COL10A1: variants seen among roughly 807,000 people sequenced by gnomAD.
COL10A1 encodes the protein collagen alpha-1(X) chain.
In COL10A1, 10 loss-of-function variants were observed where a neutral mutation model predicts 18.2. The observed-to-expected ratio is 0.55, with a 90% CI of 0.34 to 0.93. The LOEUF is 0.93. Ranked by LOEUF, COL10A1 falls within the 40% of genes least tolerant of loss-of-function variation. The pLI is 0.02. For synonymous variants in COL10A1, 330 were observed against 316.6 expected, an observed-to-expected ratio of 1.04 and a Z score of -0.45; for missense variants, 897 against 853.5, an observed-to-expected ratio of 1.05 and a Z score of -0.64.
the COL10A1 span, among the ~76,000 whole-genome samples, chr6:116,204,705 T>C: frequency 2.0e-5 from 3 of 151,960 alleles, no homozygotes; most frequent in Admixed American, 2.0e-4. Context: ...ATCACCAAAG[T>C]ACTGTTGTAT....
the COL10A1 span, among the ~76,000 whole-genome samples, chr6:116,199,170 T>G: frequency 2.6e-5 from 4 of 152,040 alleles, no homozygotes; most frequent in Non-Finnish European, 5.9e-5. Context: ...AAAATATCTT[T>G]CCATGAAAGA....
At chr6:116,142,285 T>TC (rs144062334) in intron 1 of COL10A1, among the ~76,000 whole-genome samples, 3 of 144,300 alleles carry the variant, frequency 2.1e-5, no homozygotes, top group African/African-American at 8.4e-5. Flanking sequence ...CTATTTTTGC[T>TC]TTTTTTTTCA....
At chr6:116,206,057 A>G in the COL10A1 span, among the ~76,000 whole-genome samples, 1 of 151,964 alleles carries the variant, frequency 6.6e-6, no homozygotes, top group African/African-American at 2.4e-5. Context: ...CAAAAAGTAG[A>G]ACCACCCTGC....
At chr6:116,149,479 C>T (rs1311325892) in intron 1 of COL10A1, among the ~76,000 whole-genome samples, 1 of 152,140 alleles carries the variant, frequency 6.6e-6, no homozygotes, top group Non-Finnish European at 1.5e-5. Context: ...TATTCAAAGG[C>T]TACTTTAGTA....
upstream of COL10A1, chr6:116,126,187 G>A (rs967623588): frequency 5.9e-5 from 9 of 152,092 alleles, no homozygotes; most frequent in African/African-American, 2.2e-4. Context: ...ACTACATGAG[G>A]TTACCCTGAG....
chr6:116,128,593 C>T (rs1189107493), upstream of COL10A1, among the ~76,000 whole-genome samples: 1 of 152,134 alleles, frequency 6.6e-6, no homozygotes, highest in East Asian at 1.9e-4. Flanking sequence ...AATTAATTCA[C>T]CTTATGTTTC....
intron 2 of COL10A1, among the ~76,000 whole-genome samples, chr6:116,122,198 T>C (rs1779152383): frequency 6.6e-6 from 1 of 152,190 alleles, no homozygotes; most frequent in East Asian, 1.9e-4. Context: ...CCCATGACAG[T>C]GATTCATGAA....
At chr6:116,199,998 G>GCC in the COL10A1 span, among the ~76,000 whole-genome samples, 1 of 113,372 alleles carries the variant, frequency 8.8e-6, no homozygotes, top group African/African-American at 5.7e-5. Context: ...AGTATGGAAA[G>GCC]TGGGGGGGGA....
chr6:116,150,850 T>A (rs932035189), intron 1 of COL10A1, among the ~76,000 whole-genome samples: 10 of 152,220 alleles, frequency 6.6e-5, no homozygotes, highest in African/African-American at 2.4e-4. Flanking sequence ...TTTGAGAATG[T>A]CACATCAAAT....
rs1245643162 is a variant in COL10A1 at position 116,121,228 on chromosome 6, A to T, written c.888T>A (p.Pro296=). The change falls in exon 3 of 3, where the codon CCT becomes CCA. Residue 296 remains proline (P), a synonymous_variant. Coordinates refer to ENST00000651968, the MANE Select transcript of COL10A1 (RefSeq NM_000493.4). ...APGIAGPPGP[P]GFGKPGLPGL... is the part of the protein sequence containing the mutation. Reference sequence around the variant, plus strand: ...CTGGCAAGCCTGGTTTCCCAAAGCCAGGAGGCCCTGGGGGCCCAGCTATTC... The same window carrying T: ...CTGGCAAGCCTGGTTTCCCAAAGCCTGGAGGCCCTGGGGGCCCAGCTATTC... 4 of 1,613,530 alleles carry T rather than the reference A, an allele frequency of 2.5e-6. No homozygotes were observed. The highest frequency in any genetic ancestry group is 3.4e-6 in the Non-Finnish European group (4 of 1,179,784).
chr6:116,170,755 T>C, the COL10A1 span, among the ~76,000 whole-genome samples: 8 of 152,194 alleles, frequency 5.3e-5, no homozygotes, highest in African/African-American at 1.2e-4. Flanking sequence ...TACTAGGAAA[T>C]ACCTCTGAAA....
chr6:116,155,880 G>C (rs1030698991), intron 1 of COL10A1, among the ~76,000 whole-genome samples: 3 of 151,850 alleles, frequency 2.0e-5, no homozygotes, highest in African/African-American at 4.8e-5. Flanking sequence ...TATATAAATG[G>C]AAGTGGAGGT....
chr6:116,175,191 G>A, the COL10A1 span, among the ~76,000 whole-genome samples: 1 of 152,070 alleles, frequency 6.6e-6, no homozygotes, highest in African/African-American at 2.4e-5. Context: ...TTCCAATCAG[G>A]ATACAGAGCA....
the COL10A1 span, among the ~76,000 whole-genome samples, chr6:116,170,297 A>G: frequency 1.3e-5 from 2 of 152,114 alleles, no homozygotes; most frequent in Non-Finnish European, 2.9e-5. Flanking sequence ...ATTGTGGTGT[A>G]TATATGTACT....
intron 1 of COL10A1, among the ~76,000 whole-genome samples, chr6:116,131,921 C>G (rs559702150): frequency 6.6e-6 from 1 of 152,204 alleles, no homozygotes; most frequent in South Asian, 2.1e-4. Context: ...TGAGAACATG[C>G]AGTATTTGGT....
At chr6:116,158,057 C>A (rs1005963935) in intron 1 of COL10A1, among the ~76,000 whole-genome samples, 9 of 152,340 alleles carry the variant, frequency 5.9e-5, no homozygotes, top group Middle Eastern at 3.4e-3. Flanking sequence ...CACATATTGG[C>A]AGCTTCAGCT....
chr6:116,164,042 A>G, the COL10A1 span, among the ~76,000 whole-genome samples: 9 of 152,334 alleles, frequency 5.9e-5, no homozygotes, highest in African/African-American at 2.2e-4. Context: ...AGAAAGTTCC[A>G]TGCACAGATG....
upstream of COL10A1, among the ~76,000 whole-genome samples, chr6:116,159,191 A>G (rs1408556177): frequency 1.3e-5 from 2 of 152,134 alleles, no homozygotes; most frequent in African/African-American, 4.8e-5. Flanking sequence ...TAAATATACA[A>G]TTATGTGACT....
In COL10A1 at chr6:116,121,730, A is replaced by G. The variant is rs1256385520; in HGVS notation, c.386T>C (p.Val129Ala). Residue 129 changes from valine to alanine, a missense_variant, in exon 3 of 3, where the codon GTT becomes GCT. By Grantham distance (64) the Val-to-Ala change is moderately conservative (BLOSUM62 0). Transcript: ENST00000651968. ...GGGTCCTGGTAGGCCAGCTGGTCCA[A>G]CATCTCCTTTTGGTCCATATGGTCC... is the stretch of plus-strand genomic sequence containing the variant. The part of the protein sequence containing the change: ...ERGPYGPKGD[V>A]GPAGLPGPRG... 9.3e-6 allele frequency: 15 copies of G among 1,613,534 alleles called. No homozygotes were observed. The highest frequency in any genetic ancestry group is 3.3e-5 in the Admixed American group (2 of 59,958).
Sources: gnomAD v4.1 joint callset for allele counts (sites outside exome capture counted in the v4.1 genomes callset) on GRCh38, gnomAD v4.1.1 for gene constraint, MANE v1.5 for transcripts, NCBI Gene and HGNC (gene_info 2026-07-23, HGNC 2026-07-21) for gene names.